The following ACP6 variants were observed in gnomAD, a reference collection of about 807,000 sequenced individuals.
ACP6 encodes the protein lysophosphatidic acid phosphatase type 6.
Under a neutral mutation model 48.1 loss-of-function variants are expected in ACP6, and 48 were observed. The ratio of observed to expected loss-of-function variants is 1.00; its 90% CI spans 0.79 to 1.27. The LOEUF is 1.27. Among genes scored for constraint, ACP6 ranks in the 50% most tolerant of loss-of-function variants. The probability of loss-of-function intolerance (pLI) is 0.00; values close to 1 mark genes in which losing one functional copy is unlikely to be tolerated. For synonymous variants in ACP6, 172 were observed against 204.2 expected, an observed-to-expected ratio of 0.84 and a Z score of 1.34; for missense variants, 485 against 529.1, an observed-to-expected ratio of 0.92 and a Z score of 0.82.
At chr1:147,640,563 T>C (rs1659420982), downstream of ACP6, among the ~76,000 whole-genome samples, 1 of 152,170 alleles carries the variant, frequency 6.6e-6, no homozygotes, top group South Asian at 2.1e-4. Context: ...GGAGATGCTA[T>C]ATTAGAGTCC....
At chr1:147,662,428 A>G (rs1448060797) in intron 1 of ACP6, among the ~76,000 whole-genome samples, 1 of 152,228 alleles carries the variant, frequency 6.6e-6, no homozygotes, top group Non-Finnish European at 1.5e-5. Context: ...CATTAAGAAC[A>G]TTTATAAGGA....
intron 1 of ACP6, among the ~76,000 whole-genome samples, chr1:147,661,920 C>T (rs1276837807): frequency 2.0e-5 from 3 of 152,240 alleles, no homozygotes; most frequent in Non-Finnish European, 4.4e-5. Context: ...CTTCAAAGGA[C>T]AGGCTGATTC....
chr1:147,663,567 T>C lies in ACP6; in HGVS notation c.220-3792A>G, dbSNP rs1485207102. On this transcript the variant is annotated intron_variant, in intron 1 of 9. Coordinates refer to ENST00000583509, the MANE Select transcript of ACP6 (RefSeq NM_016361.5). ...GGCTCATACCTGTAATCCTAGCACT[T>C]TGGGAGGCTGAGGTGGGAGCATCAC... 1.4e-4 allele frequency among the ~76,000 whole-genome samples: 21 copies of C among 152,082 alleles called. 1 individual carries two copies. The highest frequency in any genetic ancestry group is 1.4e-3 in the Admixed American group (21 of 15,258).
At chr1:147,629,724 G>A (rs1425285300) in exon 6 of ACP6, 1 of 152,146 alleles carries the variant, frequency 6.6e-6, no homozygotes, top group Non-Finnish European at 1.5e-5. Context: ...CCAGTGGGTG[G>A]CCAAACATTT....
rs1193720338 is a variant in ACP6 at position 147,642,245 on chromosome 1, G to A, written c.*5178C>T. The A allele has an allele frequency of 1.3e-5, 2 of 152,136 alleles. No homozygotes were observed. Among genetic ancestry groups the A allele is most frequent in the African/African-American group, 2.4e-5 (1 of 41,418 alleles). The allele number at this position is 152,136 out of a possible 1,614,324, so 9.4% of individuals were successfully genotyped here. ...AACAGAAGAGTTAAGTCAGCGTTCT[G>A]AACTCATTTATTCATTCGGTAAATC... is the stretch of plus-strand genomic sequence containing the variant. On this transcript the variant is annotated 3_prime_UTR_variant, in exon 10 of 10. Coordinates refer to ENST00000583509, the MANE Select transcript of ACP6 (RefSeq NM_016361.5).
Position 147,648,394 on chromosome 1 carries a change from G to T in ACP6, c.995C>A (p.Ala332Glu). Reference protein sequence around the residue: ...PDKIRKLYLYAAHDVTFIPLL... With the variant: ...PDKIRKLYLYEAHDVTFIPLL... Reference sequence around the variant, plus strand: ...CGGTATGAAGGTCACATCATGAGCCGCATAGAGATACAGCTTTCTGCAAGA... The same window carrying T: ...CGGTATGAAGGTCACATCATGAGCCTCATAGAGATACAGCTTTCTGCAAGA... Residue 332 changes from alanine (A) to glutamate (E), a missense_variant, in exon 9 of 10, where the codon GCG (alanine) becomes GAG (glutamate). Ala to Glu is a moderately radical substitution (Grantham distance 107, BLOSUM62 -1). Transcript: ENST00000583509. 1 of 1,614,112 alleles carries T rather than the reference G, an allele frequency of 6.2e-7. No individual in the cohort carries two copies. Among genetic ancestry groups the T allele is most frequent in the Non-Finnish European group, 8.5e-7 (1 of 1,180,000 alleles).
chr1:147,652,492 T>A lies in ACP6; in HGVS notation c.838A>T (p.Arg280Ter), dbSNP rs1553210728. The A allele has an allele frequency of 6.2e-7, 1 of 1,614,134 alleles. No homozygotes were observed. The highest frequency in any genetic ancestry group is 1.7e-5 in the Admixed American group (1 of 60,012). Residue 280 changes from arginine (R) to a stop codon, truncating the protein, a stop_gained, in exon 7 of 10, where the codon AGA (arginine) becomes TGA (stop). Transcript: ENST00000583509. LOFTEE classifies it high-confidence loss of function. ...ATGTACAAGGATGTGTCCACAGCTC[T>A]CTGTTCGATCATCCTTGCAAATCTC... Reference protein sequence around the residue: ...LKRFARMIEQRAVDTSLYILP... With the variant: ...LKRFARMIEQ
chr1:147,632,539 C>T (rs937086277), intron 5 of ACP6, among the ~76,000 whole-genome samples: 7 of 151,286 alleles, frequency 4.6e-5, no homozygotes, highest in South Asian at 2.1e-4. Context: ...TGGGAATGGA[C>T]GGATAAAGAA....
downstream of ACP6, among the ~76,000 whole-genome samples, chr1:147,638,011 C>T (rs1169835691): frequency 1.3e-5 from 2 of 152,152 alleles, no homozygotes; most frequent in Non-Finnish European, 2.9e-5. Context: ...CCCTGAAGAA[C>T]AGCTGACCAC....
intron 2 of ACP6, 43 bp from the exon 3 acceptor site, chr1:147,659,569 C>T (rs782379923): frequency 1.2e-6 from 2 of 1,613,746 alleles, no homozygotes; most frequent in Non-Finnish European, 1.7e-6. Context: ...AAACACCTGA[C>T]AGCCTGCTGA....
At chr1:147,651,670 C>A (rs370472946) in intron 7 of ACP6, 1 of 152,090 alleles carries the variant, frequency 6.6e-6, no homozygotes, top group Non-Finnish European at 1.5e-5. Flanking sequence ...GACACACTGA[C>A]CCTGAGTGGA....
At position 147,669,933 on chromosome 1, in the gene ACP6, C is replaced by T; in HGVS notation, c.116G>A (p.Gly39Asp). 1.3e-6 allele frequency: 2 copies of T among 1,559,310 alleles called. No individual in the cohort carries two copies. Among genetic ancestry groups the T allele is most frequent in the Admixed American group, 1.9e-5 (1 of 53,380 alleles). The change falls in exon 1 of 10, where the codon GGC (glycine) becomes GAC (aspartate). Residue 39 changes from glycine (G) to aspartate (D), a missense_variant. Physicochemically the swap from Gly to Asp is moderately conservative, Grantham distance 94 (BLOSUM62 -1). Transcript: ENST00000583509. ...CAGGCTGCGGTCGACCGGACACTGG[C>T]CATCGGCCTCCTGCAGCTCGGCCAG... ...VALAELQEAD[G>D]QCPVDRSLLK...
intron 7 of ACP6, chr1:147,652,160 C>G (rs960540422): frequency 1.7e-5 from 6 of 351,482 alleles, no homozygotes; most frequent in African/African-American, 1.3e-4. Flanking sequence ...CAGCTCCCCC[C>G]ACCCAAATCC....
chr1:147,649,946 C>A, intron 8 of ACP6, 197 bp downstream of exon 8: 1 of 521,896 alleles, frequency 1.9e-6, no homozygotes, highest in Non-Finnish European at 3.3e-6. Context: ...ATAAAATTTT[C>A]AAAACATGGT....
intron 1 of ACP6, among the ~76,000 whole-genome samples, chr1:147,661,698 T>A (rs1415211269): frequency 6.6e-6 from 1 of 152,206 alleles, no homozygotes; most frequent in Non-Finnish European, 1.5e-5. Context: ...AACCTATGCC[T>A]CTTGCACCAA....
chr1:147,652,311 TG>T, intron 7 of ACP6, 137 bp downstream of exon 7: 1 of 802,334 alleles, frequency 1.2e-6, no homozygotes. Context: ...TACTGGTAGG[TG>T]GGCAGAATGG....
chr1:147,648,264 C>A lies in ACP6; in HGVS notation c.1125G>T (p.Gln375His). ...GTATTACCTTCCCGTGGTAATAGAG[C>A]TGCACAAACCACTCCTTAGATTCCA... ...QHLESKEWFV[Q>H]LYYHGKEQVP... Residue 375 changes from glutamine to histidine, a missense_variant, in exon 9 of 10, where the codon CAG (glutamine) becomes CAT (histidine). Gln to His is a conservative substitution (Grantham distance 24). Coordinates refer to ENST00000583509, the MANE Select transcript of ACP6 (RefSeq NM_016361.5). 1 of 1,614,156 alleles carries A rather than the reference C, an allele frequency of 6.2e-7. No homozygotes were observed. Among genetic ancestry groups the A allele is most frequent in the Non-Finnish European group, 8.5e-7 (1 of 1,180,012 alleles).
chr1:147,654,138 C>T, intron 6 of ACP6, 56 bp downstream of exon 6: 1 of 1,595,642 alleles, frequency 6.3e-7, no homozygotes, highest in Non-Finnish European at 8.5e-7. Context: ...CCGGTTCTAA[C>T]TCCGGAGCCA....
downstream of ACP6, among the ~76,000 whole-genome samples, chr1:147,637,949 G>T (rs1308839986): frequency 6.6e-6 from 1 of 152,040 alleles, no homozygotes; most frequent in Non-Finnish European, 1.5e-5. Flanking sequence ...GCAAATCTTT[G>T]AAAAAAACGT....
Sources: allele counts gnomAD v4.1 joint callset (sites outside exome capture counted in the v4.1 genomes callset), GRCh38; gene constraint gnomAD v4.1.1; transcripts MANE v1.5; gene names NCBI Gene and HGNC (gene_info 2026-07-23, HGNC 2026-07-21).